Variants in CHTF18 observed in about 807,000 individuals in gnomAD.
The protein encoded by CHTF18 is chromosome transmission fidelity protein 18 homolog.
In CHTF18, 151 loss-of-function variants were observed where a neutral mutation model predicts 113.4. The observed-to-expected ratio is 1.33, with a 90% CI of 1.17 to 1.52. The LOEUF (loss-of-function observed/expected upper bound fraction) is 1.52. CHTF18 is among the 40% of genes most tolerant of loss of function. The pLI is 0.00. For synonymous variants in CHTF18, 916 were observed against 598.8 expected (o/e 1.53, Z -7.74); for missense variants, 1,982 against 1,381.6 (o/e 1.43, Z -6.89).
chr16:789,724 C>T lies in CHTF18; in HGVS notation c.606+9C>T, dbSNP rs1484944132. ...TGGCCCCGGGGGTGCAGGTGCGTGG[C>T]TGTGGCCTTCCTGCACGGTGGGTGG... On this transcript the variant is annotated intron_variant, in intron 4 of 21. Transcript: ENST00000262315. 2 of 1,574,336 alleles carry T rather than the reference C, an allele frequency of 1.3e-6. No individual in the cohort carries two copies. Among genetic ancestry groups the T allele is most frequent in the South Asian group, 1.1e-5 (1 of 87,990 alleles).
At chr16:794,006 C>G in intron 14 of CHTF18, 48 bp from the exon 15 acceptor site, 1 of 1,583,080 alleles carries the variant, frequency 6.3e-7, no homozygotes, top group African/African-American at 1.3e-5. Context: ...GGTGGGGCTG[C>G]CTGTGCTTTT....
In CHTF18 at chr16:795,288, G is replaced by A. The variant is rs778840065; in HGVS notation, c.2107G>A (p.Val703Met). 46 of 1,548,794 alleles carry A rather than the reference G, an allele frequency of 3.0e-5. No homozygotes were observed. Among genetic ancestry groups the A allele is most frequent in the Non-Finnish European group, 3.7e-5 (42 of 1,146,732 alleles). The change falls in exon 16 of 22, where the codon GTG (valine) becomes ATG (methionine). Residue 703 changes from valine (V) to methionine (M), a missense_variant. Physicochemically the swap from Val to Met is conservative, Grantham distance 21 (BLOSUM62 1). Transcript: ENST00000262315. ...GCTGCGCTACCCACCCTTCCTGCCC[G>A]TGGCCTTCCATGTGCTGTTTGCTTC... is the stretch of plus-strand genomic sequence containing the variant. ...QLLRYPPFLP[V>M]AFHVLFASSH...
intron 20 of CHTF18, among the ~76,000 whole-genome samples, chr16:797,313 C>T (rs959794862): frequency 1.3e-5 from 2 of 150,924 alleles, no homozygotes; most frequent in Admixed American, 6.6e-5. Context: ...GGGGCCAAGG[C>T]ACCCATGGGG....
At chr16:793,358 C>T in intron 14 of CHTF18, 84 bp downstream of exon 14, 4 of 1,503,020 alleles carry the variant, frequency 2.7e-6, no homozygotes, top group East Asian at 2.4e-5. Flanking sequence ...CCAGCACTAC[C>T]TTCGAGGCGG....
intron 8 of CHTF18, 117 bp from the exon 9 acceptor site, chr16:791,734 G>A (rs2042201683): frequency 1.4e-6 from 2 of 1,456,644 alleles, no homozygotes; most frequent in East Asian, 2.5e-5. Flanking sequence ...TTTGATGGCT[G>A]GAGTGGGGTG....
In CHTF18 at chr16:791,922, G is replaced by A; in HGVS notation, c.1176G>A (p.Gly392=). The A allele has an allele frequency of 1.9e-6, 3 of 1,609,580 alleles. No individual in the cohort carries two copies. The highest frequency in any genetic ancestry group is 4.5e-5 in the East Asian group (2 of 44,750). The change falls in exon 9 of 22, where the codon GGG becomes GGA. Residue 392 remains glycine (G), a synonymous_variant. Coordinates refer to ENST00000262315, the MANE Select transcript of CHTF18 (RefSeq NM_022092.3). ...TLAHVIARHA[G]YSVVEMNASD... ...CACACGTGATTGCGCGTCACGCGGG[G>A]TACTCTGTGGTGGAGATGAACGCCA...
In CHTF18 at chr16:795,286, C is replaced by T. The variant is rs371296338; in HGVS notation, c.2105C>T (p.Pro702Leu). ...CTGCTGCGCTACCCACCCTTCCTGC[C>T]CGTGGCCTTCCATGTGCTGTTTGCT... The part of the protein sequence containing the change: ...FQLLRYPPFL[P>L]VAFHVLFASS... The change falls in exon 16 of 22, where the codon CCC (proline) becomes CTC (leucine). Residue 702 changes from proline to leucine, a missense_variant. Physicochemically the swap from Pro to Leu is moderately conservative, Grantham distance 98. Transcript: ENST00000262315. 5 of 1,549,048 alleles carry T rather than the reference C, an allele frequency of 3.2e-6. No homozygotes were observed. The highest frequency in any genetic ancestry group is 4.4e-6 in the Non-Finnish European group (5 of 1,146,736).
rs751241314 is a variant in CHTF18 at position 790,672 on chromosome 16, G to A, written c.894+6G>A. On this transcript the variant is annotated splice_donor_region_variant and intron_variant, in intron 7 of 21. Coordinates refer to ENST00000262315, the MANE Select transcript of CHTF18 (RefSeq NM_022092.3). Reference sequence around the variant, plus strand: ...CGGAGCTGCTCAGTGATGACGTGAGGTCTTGTTCTCACTCAAGTGTGGCTG... The same window carrying A: ...CGGAGCTGCTCAGTGATGACGTGAGATCTTGTTCTCACTCAAGTGTGGCTG... 16 of 1,538,020 alleles carry A rather than the reference G, an allele frequency of 1.0e-5. No homozygotes were observed. Among genetic ancestry groups the A allele is most frequent in the African/African-American group, 2.8e-5 (2 of 72,206 alleles).
rs1467133119 is a variant in CHTF18 at position 788,991 on chromosome 16, C to T, written c.152C>T (p.Thr51Met). ...PLFTAGRPPR[T>M]FEEALARGDA... is the part of the protein sequence containing the mutation. ...TTCACCGCGGGCCGACCCCCGCGGA[C>T]GTTCGAGGAGGCCCTTGCCAGAGGG... The change falls in exon 2 of 22, where the codon ACG (threonine) becomes ATG (methionine). Residue 51 changes from threonine (T) to methionine (M), a missense_variant. Physicochemically the swap from Thr to Met is moderately conservative, Grantham distance 81. Transcript: ENST00000262315. 9 of 1,562,236 alleles carry T rather than the reference C, an allele frequency of 5.8e-6. No individual in the cohort carries two copies. The East Asian group carries it at 1.2e-4, about 21-fold the overall frequency.
intron 14 of CHTF18, chr16:793,693 G>A (rs1300415668): frequency 6.7e-6 from 4 of 600,552 alleles, no homozygotes; most frequent in South Asian, 6.4e-5. Flanking sequence ...ACGTGCCATG[G>A]GACCCCAGGG....
chr16:796,984 C>G lies in CHTF18; in HGVS notation c.2625C>G (p.Leu875=). The change falls in exon 20 of 22, where the codon CTC becomes CTG. Residue 875 remains leucine (L), a synonymous_variant. Transcript: ENST00000262315. ...SPQVDGSPPG[L]EGLLGGIGEK... is the part of the protein sequence containing the mutation. ...AGGTGGATGGGAGCCCCCCAGGGCT[C>G]GAGGGTCTGCTGGGGGGCATTGGGG... The G allele has an allele frequency of 1.3e-6, 2 of 1,531,156 alleles. No homozygotes were observed. The highest frequency in any genetic ancestry group is 2.3e-5 in the East Asian group (1 of 42,926). 94.8% of individuals were successfully genotyped at this position (1,531,156 alleles called of 1,614,324 possible).
intron 12 of CHTF18, 73 bp downstream of exon 12, chr16:792,884 C>T (rs1256260170): frequency 4.6e-6 from 7 of 1,529,920 alleles, no homozygotes; most frequent in African/African-American, 2.7e-5. Context: ...CCCCTGTTTC[C>T]CTGCCCCTCC....
chr16:793,057 C>A lies in CHTF18; in HGVS notation c.1664C>A (p.Thr555Asn). The A allele has an allele frequency of 6.5e-7, 1 of 1,547,286 alleles. No individual in the cohort carries two copies. Among genetic ancestry groups the A allele is most frequent in the East Asian group, 2.5e-5 (1 of 39,630 alleles). ...AATGACATCCGGGCCTGCATCAACACCCTGCAGGTGGGCGGCCGGCAGGCA... is the reference window on the plus strand; with the variant it reads ...AATGACATCCGGGCCTGCATCAACAACCTGCAGGTGGGCGGCCGGCAGGCA... ...TDNDIRACIN[T>N]LQFLYSRGQR... Residue 555 changes from threonine to asparagine, a missense_variant, in exon 13 of 22, where the codon ACC (threonine) becomes AAC (asparagine). Coordinates refer to ENST00000262315, the MANE Select transcript of CHTF18 (RefSeq NM_022092.3).
intron 15 of CHTF18, 145 bp from the exon 16 acceptor site, chr16:794,987 G>C (rs879593142): frequency 5.1e-5 from 33 of 652,892 alleles, no homozygotes; most frequent in Non-Finnish European, 8.1e-5. Context: ...GCCCAGCGTC[G>C]TGGGGACCCT....
rs191719411 is a variant in CHTF18, at chr16:793,801, G to C, written c.1803-253G>C. 665 of 654,300 alleles carry C rather than the reference G, an allele frequency of 1.0e-3. 6 individuals carry two copies. Among genetic ancestry groups the C allele is most frequent in the Middle Eastern group, 9.2e-3 (33 of 3,594 alleles). 40.5% of individuals were successfully genotyped at this position (654,300 alleles called of 1,614,324 possible). A position where few individuals can be genotyped will look rare whatever the true frequency, so the allele number is the denominator to read the frequency against. On this transcript the variant is annotated intron_variant, in intron 14 of 21. Transcript: ENST00000262315. ...TGGACCCGGAGGGGGACTTTCCCTG[G>C]GGTCCCCTAACCCCAGAGGGTCAGG...
rs764493579 is a variant in CHTF18, at chr16:788,787, C to T, written c.91+12C>T. On this transcript the variant is annotated intron_variant, in intron 1 of 21. Coordinates refer to ENST00000262315, the MANE Select transcript of CHTF18 (RefSeq NM_022092.3). Reference sequence around the variant, plus strand: ...GGCAGAGCTGGAAGGTGGGGCGCGGCCCCCGGCCGTTGGGGAGGAGCTGCG... The same window carrying T: ...GGCAGAGCTGGAAGGTGGGGCGCGGTCCCCGGCCGTTGGGGAGGAGCTGCG... The T allele has an allele frequency of 2.1e-5, 33 of 1,584,220 alleles. No individual in the cohort carries two copies. The Admixed American group carries it at 5.2e-4, about 25-fold the overall frequency.
In CHTF18 at chr16:790,690, T is replaced by C. The variant is rs1439222536; in HGVS notation, c.894+24T>C. 4.6e-6 allele frequency: 7 copies of C among 1,510,320 alleles called. No homozygotes were observed. In the South Asian group the frequency reaches 8.0e-5, roughly 17 times the overall value. 93.6% of individuals were successfully genotyped at this position (1,510,320 alleles called of 1,614,324 possible). A position where few individuals can be genotyped will look rare whatever the true frequency, so the allele number is the denominator to read the frequency against. On this transcript the variant is annotated intron_variant, in intron 7 of 21. Transcript: ENST00000262315. ...ACGTGAGGTCTTGTTCTCACTCAAG[T>C]GTGGCTGGCTTCCTCTGTTCCCAAG...
chr16:795,447 CCCCAAACACACTG>C (rs2042313030), intron 16 of CHTF18, 91 bp downstream of exon 16: 2 of 591,550 alleles, frequency 3.4e-6, no homozygotes, highest in African/African-American at 2.7e-5. Flanking sequence ...GTGCCCGCCC[CCCCAAACACACTG>C]CCCGTGTGGC....
In CHTF18 at chr16:794,889, C is replaced by G. The variant is rs532029102; in HGVS notation, c.1951-243C>G. On this transcript the variant is annotated intron_variant, in intron 15 of 21. Coordinates refer to ENST00000262315, the MANE Select transcript of CHTF18 (RefSeq NM_022092.3). Reference sequence around the variant, plus strand: ...CAGTCTCTGTCAAGTCAGTCTCTGTCAAGCTGTAGCGAGGATGCTCAGGGT... The same window carrying G: ...CAGTCTCTGTCAAGTCAGTCTCTGTGAAGCTGTAGCGAGGATGCTCAGGGT... 8.8e-5 allele frequency: 48 copies of G among 546,044 alleles called. 2 individuals are homozygous for G. In the South Asian group the frequency reaches 1.1e-3, roughly 12 times the overall value. 33.8% of individuals were successfully genotyped at this position (546,044 alleles called of 1,614,324 possible). A position where few individuals can be genotyped will look rare whatever the true frequency, so the allele number is the denominator to read the frequency against.
Sources: allele counts gnomAD v4.1 joint callset (sites outside exome capture counted in the v4.1 genomes callset), GRCh38; gene constraint gnomAD v4.1.1; transcripts MANE v1.5; gene names NCBI Gene and HGNC (gene_info 2026-07-23, HGNC 2026-07-21).